SH3GL2: variants seen among roughly 807,000 people sequenced by gnomAD.
SH3GL2 encodes the protein endophilin-A1.
Under a neutral mutation model 46.0 loss-of-function variants are expected in SH3GL2, and 24 were observed. The ratio of observed to expected loss-of-function variants is 0.52; its 90% CI spans 0.38 to 0.73. The LOEUF is 0.73. Among genes scored for constraint, SH3GL2 ranks in the 30% least tolerant of loss-of-function variants. The pLI is 0.00. For missense variants in SH3GL2, 413 were observed against 424.2 expected (o/e 0.97, Z 0.23); for synonymous variants, 196 against 147.1 (o/e 1.33, Z -2.40).
Position 17,722,280 on chromosome 9 carries a change from G to C in SH3GL2, c.46-24786G>C, listed in dbSNP as rs570844538. Among the ~76,000 whole-genome samples the C allele has an allele frequency of 7.9e-5, 12 of 152,138 alleles. No individual in the cohort carries two copies. The South Asian group carries it at 2.3e-3, about 29-fold the overall frequency. Reference sequence around the variant, plus strand: ...ATCTTCTGTTTAGTAAGCTTTACTGGTCTCTACTTTTAGACAAAATGTCAG... The same window carrying C: ...ATCTTCTGTTTAGTAAGCTTTACTGCTCTCTACTTTTAGACAAAATGTCAG... On this transcript the variant is annotated intron_variant, in intron 1 of 8. Transcript: ENST00000380607.
intron 1 of SH3GL2, among the ~76,000 whole-genome samples, chr9:17,594,467 A>C (rs1278432924): frequency 6.6e-6 from 1 of 151,094 alleles, no homozygotes; most frequent in Non-Finnish European, 1.5e-5. Context: ...TGGGAGAGGA[A>C]CAACACACAC....
chr9:17,725,253 G>A (rs1821992092), intron 1 of SH3GL2, among the ~76,000 whole-genome samples: 3 of 152,038 alleles, frequency 2.0e-5, no homozygotes, highest in Admixed American at 2.0e-4. Flanking sequence ...CATTCCACTC[G>A]ATTTACTCCT....
chr9:17,779,100 C>T (rs1053789996), intron 3 of SH3GL2, among the ~76,000 whole-genome samples: 3 of 152,032 alleles, frequency 2.0e-5, no homozygotes, highest in Admixed American at 6.6e-5. Context: ...TTGGCCAGAC[C>T]TGATAAGAGG....
intron 1 of SH3GL2, among the ~76,000 whole-genome samples, chr9:17,617,813 G>A (rs1316329320): frequency 2.0e-5 from 3 of 152,048 alleles, no homozygotes; most frequent in East Asian, 1.9e-4. Context: ...GAGAAATAGC[G>A]TATTTGGAAG....
In SH3GL2 at chr9:17,762,398, T is replaced by TA. The variant is rs780023996; in HGVS notation, c.187+889_187+890insA. Among the ~76,000 whole-genome samples, 163 of 139,530 alleles carry TA rather than the reference T, an allele frequency of 1.2e-3. 1 individual carries two copies. Among genetic ancestry groups the TA allele is most frequent in the African/African-American group, 4.0e-3 (149 of 37,010 alleles). The allele number at this position is 139,530 out of a possible 152,430, so 91.5% of individuals were successfully genotyped here. A position where few individuals can be genotyped will look rare whatever the true frequency, so the allele number is the denominator to read the frequency against. On this transcript the variant is annotated intron_variant, in intron 3 of 8. Coordinates refer to ENST00000380607, the MANE Select transcript of SH3GL2 (RefSeq NM_003026.5). The stretch of plus-strand genomic sequence containing the variant: ...ATACTGAGCAATAGTGGACAAGTGA[T>TA]CAAAAAAAAAAAAAAAAGGGGGCGG...
intron 1 of SH3GL2, among the ~76,000 whole-genome samples, chr9:17,740,213 G>C (rs986999601): frequency 6.6e-6 from 1 of 151,998 alleles, no homozygotes; most frequent in Non-Finnish European, 1.5e-5. Context: ...TAAATTTCCG[G>C]ATAGGAAAAT....
At chr9:17,687,106 T>C (rs978871597) in intron 1 of SH3GL2, among the ~76,000 whole-genome samples, 2 of 152,092 alleles carry the variant, frequency 1.3e-5, no homozygotes, top group African/African-American at 4.8e-5. Flanking sequence ...GAATTTAAGA[T>C]GTAAACTAGC....
chr9:17,685,977 A>G (rs1820897833), intron 1 of SH3GL2, among the ~76,000 whole-genome samples: 1 of 147,552 alleles, frequency 6.8e-6, no homozygotes, highest in Non-Finnish European at 1.5e-5. Context: ...CTGCACAGCA[A>G]AAGAAACTAC....
chr9:17,749,377 G>T (rs780835511), intron 2 of SH3GL2, among the ~76,000 whole-genome samples: 1 of 152,148 alleles, frequency 6.6e-6, no homozygotes, highest in African/African-American at 2.4e-5. Context: ...CATTTGAACA[G>T]CCCATGGGTT....
Position 17,593,422 on chromosome 9 carries a change from G to A in SH3GL2, c.45+14135G>A, listed in dbSNP as rs115075679. ...TCCAGTGGAGAATCATCTGCAGAAT[G>A]GGTTGCTGGTAGGGAGAAATCCCCA... On this transcript the variant is annotated intron_variant, in intron 1 of 8. Transcript: ENST00000380607. Among the ~76,000 whole-genome samples, 1,476 of 151,822 alleles carry A rather than the reference G, an allele frequency of 9.7e-3. 12 individuals carry two copies. The highest frequency in any genetic ancestry group is 0.027 in the Middle Eastern group (8 of 294).
chr9:17,738,638 A>ATATATATATC, intron 1 of SH3GL2, among the ~76,000 whole-genome samples: 1 of 99,096 alleles, frequency 1.0e-5, no homozygotes, highest in Admixed American at 1.0e-4. Flanking sequence ...ATATATATAT[A>ATATATATATC]TATAGAGAGA....
intron 1 of SH3GL2, among the ~76,000 whole-genome samples, chr9:17,605,663 A>T (rs1261969661): frequency 6.6e-6 from 1 of 152,184 alleles, no homozygotes; most frequent in East Asian, 1.9e-4. Context: ...TGTATTATTT[A>T]AATGTGTTTG....
At chr9:17,763,131 C>T (rs143166856) in intron 3 of SH3GL2, among the ~76,000 whole-genome samples, 272 of 152,180 alleles carry the variant, frequency 1.8e-3, no homozygotes, top group Non-Finnish European at 3.0e-3. Context: ...CCATTTTTCT[C>T]CATATAAAGT....
intron 1 of SH3GL2, among the ~76,000 whole-genome samples, chr9:17,634,925 G>C (rs1287624907): frequency 6.6e-6 from 1 of 152,160 alleles, no homozygotes; most frequent in Admixed American, 6.5e-5. Context: ...GGGAAGCATA[G>C]GATTCAGTGC....
intron 5 of SH3GL2, among the ~76,000 whole-genome samples, chr9:17,788,665 G>A (rs893937879): frequency 1.3e-5 from 2 of 152,156 alleles, no homozygotes; most frequent in African/African-American, 2.4e-5. Flanking sequence ...GCAAGGAGGG[G>A]ATTGAAGCTC....
chr9:17,738,822 T>A (rs991853119), intron 1 of SH3GL2, among the ~76,000 whole-genome samples: 1 of 151,900 alleles, frequency 6.6e-6, no homozygotes, highest in Non-Finnish European at 1.5e-5. Flanking sequence ...TCAGCTCAGC[T>A]TTGTTCTTAG....
chr9:17,658,623 G>T (rs946772540), intron 1 of SH3GL2, among the ~76,000 whole-genome samples: 1 of 152,206 alleles, frequency 6.6e-6, no homozygotes, highest in African/African-American at 2.4e-5. Context: ...ACTTAAACTA[G>T]ATGTTTATTC....
At chr9:17,614,889 C>T (rs1013556002) in intron 1 of SH3GL2, among the ~76,000 whole-genome samples, 1 of 152,200 alleles carries the variant, frequency 6.6e-6, no homozygotes, top group African/African-American at 2.4e-5. Context: ...TACAAAATCC[C>T]TTCACAGACT....
At chr9:17,689,120 A>G (rs1821002216) in intron 1 of SH3GL2, among the ~76,000 whole-genome samples, 2 of 151,932 alleles carry the variant, frequency 1.3e-5, no homozygotes, top group Non-Finnish European at 2.9e-5. Context: ...ATGGCACTTC[A>G]CCTCTGTGGT....
Sources: gnomAD v4.1 joint callset for allele counts (sites outside exome capture counted in the v4.1 genomes callset) on GRCh38, gnomAD v4.1.1 for gene constraint, MANE v1.5 for transcripts, NCBI Gene and HGNC (gene_info 2026-07-23, HGNC 2026-07-21) for gene names.